NRCAM: variants seen among roughly 807,000 people sequenced by gnomAD.
NRCAM encodes neuronal cell adhesion molecule.
In NRCAM, 83 loss-of-function variants were observed where a neutral mutation model predicts 156.5. The observed-to-expected ratio is 0.53, with a 90% CI of 0.44 to 0.64. The LOEUF (loss-of-function observed/expected upper bound fraction) is 0.64, where lower values mean the gene tolerates loss of function less well. Ranked by LOEUF, NRCAM falls within the 30% of genes least tolerant of loss-of-function variation. The probability of loss-of-function intolerance (pLI) is 0.00; values close to 1 mark genes in which losing one functional copy is unlikely to be tolerated. For synonymous variants in NRCAM, 538 were observed against 563.9 expected (o/e 0.95, Z 0.65); for missense variants, 1,417 against 1,597.3 (o/e 0.89, Z 1.92).
chr7:108,390,593 G>C (rs932537042), intron 2 of NRCAM, among the ~76,000 whole-genome samples: 4 of 152,122 alleles, frequency 2.6e-5, no homozygotes, highest in Non-Finnish European at 5.9e-5. Flanking sequence ...TCTGATCTTA[G>C]TTATTTCTTG....
chr7:108,351,059 C>T (rs2099408734), intron 2 of NRCAM, among the ~76,000 whole-genome samples: 1 of 152,138 alleles, frequency 6.6e-6, no homozygotes, highest in African/African-American at 2.4e-5. Context: ...ATATGTTCCC[C>T]AAAGTTCATG....
At chr7:108,303,034 T>C (rs1442668373) in intron 3 of NRCAM, among the ~76,000 whole-genome samples, 3 of 152,204 alleles carry the variant, frequency 2.0e-5, no homozygotes, top group Admixed American at 6.5e-5. Flanking sequence ...CCATCTTGGC[T>C]CACTGCAACC....
At chr7:108,377,158 A>G (rs1188962696) in intron 2 of NRCAM, among the ~76,000 whole-genome samples, 1 of 152,168 alleles carries the variant, frequency 6.6e-6, no homozygotes, top group Non-Finnish European at 1.5e-5. Context: ...TGCCTCCAAA[A>G]AAAATTGAAA....
At chr7:108,396,816 G>A (rs986690761) in intron 2 of NRCAM, among the ~76,000 whole-genome samples, 2 of 152,076 alleles carry the variant, frequency 1.3e-5, no homozygotes, top group African/African-American at 4.8e-5. Flanking sequence ...TTTTTAACTA[G>A]AATTTAAACA....
intron 2 of NRCAM, among the ~76,000 whole-genome samples, chr7:108,318,039 CTTTTTT>C (rs779703662): frequency 9.6e-5 from 7 of 72,816 alleles, no homozygotes; most frequent in Admixed American, 2.2e-4. Context: ...TTCACTTTTC[CTTTTTT>C]TTTTTTTTTT....
chr7:108,223,126 A>G (rs970950610), intron 11 of NRCAM, among the ~76,000 whole-genome samples: 1 of 152,304 alleles, frequency 6.6e-6, no homozygotes, highest in African/African-American at 2.4e-5. Context: ...TAGGAGAATA[A>G]GCCAGGACAA....
intron 2 of NRCAM, among the ~76,000 whole-genome samples, chr7:108,375,773 G>A (rs1366902211): frequency 6.6e-6 from 1 of 152,052 alleles, no homozygotes; most frequent in African/African-American, 2.4e-5. Context: ...TTTTTTCACT[G>A]CATTTGATAT....
intron 3 of NRCAM, among the ~76,000 whole-genome samples, chr7:108,280,656 T>C (rs1185997055): frequency 6.6e-6 from 1 of 152,266 alleles, no homozygotes. Context: ...AGTTTGACCG[T>C]TGTCCATTTT....
chr7:108,150,795 A>AT (rs1230419027), intron 32 of NRCAM: 3 of 480,596 alleles, frequency 6.2e-6, no homozygotes, highest in Middle Eastern at 3.8e-4. Flanking sequence ...AGTACACAGT[A>AT]TTTTTTTGTT....
chr7:108,201,835 G>C (rs2078314983), intron 13 of NRCAM, among the ~76,000 whole-genome samples: 1 of 152,224 alleles, frequency 6.6e-6, no homozygotes, highest in East Asian at 1.9e-4. Flanking sequence ...TTTTTGGCAA[G>C]GTATTTAGGA....
intron 3 of NRCAM, among the ~76,000 whole-genome samples, chr7:108,255,813 G>A (rs910192332): frequency 2.3e-4 from 30 of 132,940 alleles, no homozygotes; most frequent in African/African-American, 8.3e-4. Context: ...CGTCTCTGCC[G>A]GGCTGCCCCC....
In NRCAM at chr7:108,197,962, C is replaced by T; in HGVS notation, c.1345G>A (p.Val449Met). Residue 449 changes from valine (V) to methionine (M), a missense_variant, in exon 14 of 33, where the codon GTG (valine) becomes ATG (methionine). Physicochemically the swap from Val to Met is conservative, Grantham distance 21. Around this residue, in one of 2 missense-constraint regions of NRCAM, gnomAD observed 1,238 missense variants for 1,336.4 expected, o/e 0.93. Coordinates refer to ENST00000379028, the MANE Select transcript of NRCAM (RefSeq NM_001037132.4). ...TAATAAAATGAGAGCTTACCCAGCA[C>T]ATTTACAAATGCGTTTGCCAGTAAA... The part of the protein sequence containing the change: ...GYLLANAFVN[V>M]LAEPPRILTP... The T allele has an allele frequency of 1.9e-6, 3 of 1,572,524 alleles. No homozygotes were observed. Among genetic ancestry groups the T allele is most frequent in the Non-Finnish European group, 2.6e-6 (3 of 1,162,612 alleles).
intron 2 of NRCAM, among the ~76,000 whole-genome samples, chr7:108,343,052 T>A (rs192502403): frequency 6.6e-6 from 1 of 152,196 alleles, no homozygotes; most frequent in East Asian, 1.9e-4. Context: ...CTTTTAGAGG[T>A]TCCCCTGACT....
intron 15 of NRCAM, 128 bp downstream of exon 15, chr7:108,195,633 A>T (rs2153472428): frequency 1.6e-6 from 1 of 621,608 alleles, no homozygotes. Context: ...AAAAAAATAT[A>T]TTAACAGTGT....
chr7:108,438,148 A>G (rs562208219), intron 1 of NRCAM, among the ~76,000 whole-genome samples: 1 of 152,222 alleles, frequency 6.6e-6, no homozygotes, highest in South Asian at 2.1e-4. Context: ...TTCAAAAAAC[A>G]GAAGCGAGAA....
chr7:108,281,930 A>G (rs1207101930), intron 3 of NRCAM, among the ~76,000 whole-genome samples: 2 of 152,350 alleles, frequency 1.3e-5, no homozygotes, highest in East Asian at 3.9e-4. Context: ...TTCTTCCAGG[A>G]GCAGAACTGC....
intron 1 of NRCAM, among the ~76,000 whole-genome samples, chr7:108,432,084 CCACTTGTG>C (rs1394159847): frequency 6.6e-6 from 1 of 152,186 alleles, no homozygotes; most frequent in Non-Finnish European, 1.5e-5. Context: ...TAGTGGACAG[CCACTTGTG>C]TTAGCAGTTG....
At position 108,428,939 on chromosome 7, in the gene NRCAM, TTTCTTTTC is replaced by T. The variant is rs1820982220; in HGVS notation, c.-332+27296_-332+27303del. On this transcript the variant is annotated intron_variant, in intron 1 of 32. Transcript: ENST00000379028. ...ATGCCATTGTGACCTAAAATTTTCTTTTCTTTTCTTCTTTTTTTTTTTAAAGGCTTCCA... is the reference window on the plus strand; with the variant it reads ...ATGCCATTGTGACCTAAAATTTTCTTTTCTTTTTTTTTTTAAAGGCTTCCA... 2.0e-5 allele frequency among the ~76,000 whole-genome samples: 3 copies of T among 151,722 alleles called. No homozygotes were observed. In the South Asian group the frequency reaches 6.3e-4, roughly 32 times the overall value.
At chr7:108,357,833 T>C (rs2099516756) in intron 2 of NRCAM, among the ~76,000 whole-genome samples, 1 of 152,212 alleles carries the variant, frequency 6.6e-6, no homozygotes, top group Non-Finnish European at 1.5e-5. Flanking sequence ...TAGTTGGGTT[T>C]TCCCCTCCAT....
Sources: gnomAD v4.1 joint callset for allele counts (sites outside exome capture counted in the v4.1 genomes callset) on GRCh38, gnomAD v4.1.1 for gene constraint, gnomAD v4.1.1 regional missense constraint, MANE v1.5 for transcripts, NCBI Gene and HGNC (gene_info 2026-07-23, HGNC 2026-07-21) for gene names.